Variants in FGF12 observed in about 807,000 individuals in gnomAD.
FGF12 encodes fibroblast growth factor 12B.
Under a neutral mutation model 23.6 loss-of-function variants are expected in FGF12, and 14 were observed. The ratio of observed to expected loss-of-function variants is 0.59; its 90% confidence interval spans 0.39 to 0.93. The LOEUF is 0.93. FGF12 is among the 40% of genes least tolerant of loss of function. FGF12 has a pLI of 0.00. For missense variants in FGF12, 175 were observed against 217.8 expected (o/e 0.80, Z 1.24); for synonymous variants, 62 against 77.3 (o/e 0.80, Z 1.04).
chr3:192,209,244 T>C (rs756395418), intron 4 of FGF12, among the ~76,000 whole-genome samples: 10 of 152,192 alleles, frequency 6.6e-5, no homozygotes, highest in Non-Finnish European at 1.3e-4. Context: ...ACCATCATCA[T>C]CATTTTCATC....
At position 192,408,458 on chromosome 3, in the gene FGF12, C is replaced by T; in HGVS notation, c.14-47920G>A. The T allele has an allele frequency of 7.3e-7, 1 of 1,365,114 alleles. No individual in the cohort carries two copies. Among genetic ancestry groups the T allele is most frequent in the Non-Finnish European group, 9.4e-7 (1 of 1,064,142 alleles). 84.6% of individuals were successfully genotyped at this position (1,365,114 alleles called of 1,614,324 possible). On this transcript the variant is annotated intron_variant, in intron 2 of 5. Coordinates refer to ENST00000445105, the MANE Select transcript of FGF12 (RefSeq NM_004113.6). This position sits in a 1 kb window ranked among gnomAD's most constrained non-coding sequence, Gnocchi z 7.3. The stretch of plus-strand genomic sequence containing the variant: ...TGTAAACTTCCCCAACCTCTGGCGG[C>T]CGGGGGGCGGGGCGGGGCGGTCCCA...
At chr3:192,608,380 C>T (rs78931006) in intron 2 of FGF12, among the ~76,000 whole-genome samples, 15,377 of 152,066 alleles carry the variant, frequency 0.1, 780 homozygotes, top group African/African-American at 0.11. Context: ...GATTATTATG[C>T]ATTGCATGCC....
At chr3:192,563,911 C>G (rs551898216) in intron 2 of FGF12, among the ~76,000 whole-genome samples, 1 of 152,268 alleles carries the variant, frequency 6.6e-6, no homozygotes, top group African/African-American at 2.4e-5. Flanking sequence ...AAGTGTATTG[C>G]AAGACATAGG....
At chr3:192,560,604 G>A (rs77404786) in intron 2 of FGF12, among the ~76,000 whole-genome samples, 4,276 of 152,072 alleles carry the variant, frequency 0.028, 203 homozygotes, top group African/African-American at 0.096. Flanking sequence ...CTTGAAAAGC[G>A]TGAATTAAAA....
At chr3:192,531,767 G>C (rs1048721593) in intron 2 of FGF12, among the ~76,000 whole-genome samples, 1 of 152,148 alleles carries the variant, frequency 6.6e-6, no homozygotes, top group African/African-American at 2.4e-5. Context: ...TCTACCACAC[G>C]CTTGATGCTG....
intron 2 of FGF12, among the ~76,000 whole-genome samples, chr3:192,641,868 TGAG>T (rs1204937918): frequency 6.6e-6 from 1 of 152,216 alleles, no homozygotes; most frequent in Non-Finnish European, 1.5e-5. Context: ...ACAATGACAG[TGAG>T]TAGTGGCAAC....
intron 3 of FGF12, among the ~76,000 whole-genome samples, chr3:192,353,790 G>C (rs1005293547): frequency 6.6e-6 from 1 of 152,184 alleles, no homozygotes; most frequent in South Asian, 2.1e-4. Context: ...AGCCATTCAA[G>C]AAAATAACTA....
chr3:192,186,645 G>A (rs1301991750), intron 4 of FGF12, among the ~76,000 whole-genome samples: 1 of 152,126 alleles, frequency 6.6e-6, no homozygotes, highest in Non-Finnish European at 1.5e-5. Context: ...TTTGAAAGGA[G>A]AATAATTTTG....
At chr3:192,512,300 G>A (rs1362355003) in intron 2 of FGF12, among the ~76,000 whole-genome samples, 1 of 152,032 alleles carries the variant, frequency 6.6e-6, no homozygotes, top group Non-Finnish European at 1.5e-5. Context: ...CACTGGGCAT[G>A]GCAATATTAC....
intron 3 of FGF12, among the ~76,000 whole-genome samples, chr3:192,340,498 T>C (rs1377776502): frequency 6.6e-6 from 1 of 152,204 alleles, no homozygotes; most frequent in Non-Finnish European, 1.5e-5. Flanking sequence ...TACAATTATA[T>C]GCCAAATAGA....
chr3:192,518,804 G>C (rs1351860068), intron 2 of FGF12, among the ~76,000 whole-genome samples: 1 of 151,936 alleles, frequency 6.6e-6, no homozygotes, highest in Non-Finnish European at 1.5e-5. Flanking sequence ...TCTTGATACT[G>C]TTTTTAAAAA....
chr3:192,220,372 C>T (rs1718405386), intron 4 of FGF12, among the ~76,000 whole-genome samples: 1 of 152,124 alleles, frequency 6.6e-6, no homozygotes, highest in Non-Finnish European at 1.5e-5. Flanking sequence ...CCTAAACTTT[C>T]CTACTCCATA....
intron 2 of FGF12, among the ~76,000 whole-genome samples, chr3:192,607,365 T>C (rs1408024479): frequency 6.6e-6 from 1 of 152,078 alleles, no homozygotes; most frequent in Non-Finnish European, 1.5e-5. Flanking sequence ...AATTGAGGCC[T>C]GGCATAAGGA....
At chr3:192,648,152 C>T (rs1716082868) in intron 2 of FGF12, among the ~76,000 whole-genome samples, 1 of 152,018 alleles carries the variant, frequency 6.6e-6, no homozygotes, top group Non-Finnish European at 1.5e-5. Flanking sequence ...TCTGACATGA[C>T]ACAATATTCT....
chr3:192,577,668 G>A (rs1216843878), intron 2 of FGF12, among the ~76,000 whole-genome samples: 1 of 152,096 alleles, frequency 6.6e-6, no homozygotes. Context: ...ATATGATTGA[G>A]GTTCATAAAA....
chr3:192,571,212 C>G (rs928417799), intron 2 of FGF12, among the ~76,000 whole-genome samples: 6 of 152,202 alleles, frequency 3.9e-5, no homozygotes, highest in Non-Finnish European at 8.8e-5. Flanking sequence ...GGAAAGGCAA[C>G]AATGACTTCG....
intron 5 of FGF12, among the ~76,000 whole-genome samples, chr3:192,169,061 C>A (rs972857126): frequency 2.6e-5 from 4 of 152,106 alleles, no homozygotes; most frequent in Non-Finnish European, 5.9e-5. Context: ...TGAAAATAGG[C>A]CAGGCATGGT....
At chr3:192,646,378 A>G (rs1316938807) in intron 2 of FGF12, among the ~76,000 whole-genome samples, 2 of 152,120 alleles carry the variant, frequency 1.3e-5, no homozygotes. Context: ...TAATATAAAT[A>G]TATGAGTCAT....
intron 4 of FGF12, among the ~76,000 whole-genome samples, chr3:192,225,659 A>AT (rs1409097193): frequency 6.6e-6 from 1 of 152,166 alleles, no homozygotes; most frequent in Non-Finnish European, 1.5e-5. Flanking sequence ...GTATAAACAA[A>AT]TGTTAATATT....
Sources: allele counts gnomAD v4.1 joint callset (sites outside exome capture counted in the v4.1 genomes callset), GRCh38; gene constraint gnomAD v4.1.1; non-coding constraint Gnocchi (gnomAD v3.1); transcripts MANE v1.5; gene names NCBI Gene and HGNC (gene_info 2026-07-23, HGNC 2026-07-21).